MDM1: variants seen among roughly 807,000 people sequenced by gnomAD.
MDM1 encodes stabilizer of axonemal microtubules 6, also known as Mdm1 nuclear protein.
MDM1 carries 61 observed loss-of-function variants against 89.1 expected under a neutral mutation model. The ratio of observed to expected loss-of-function variants is 0.68; its 90% confidence interval spans 0.56 to 0.85. MDM1 has a LOEUF of 0.85. Ranked by LOEUF, MDM1 falls within the 40% of genes least tolerant of loss-of-function variation. The pLI is 0.00. For missense variants in MDM1, 820 were observed against 846.5 expected (o/e 0.97, Z 0.39); for synonymous variants, 290 against 294.1 (o/e 0.99, Z 0.14).
chr12:68,307,604 G>A (rs1411676366), intron 12 of MDM1, among the ~76,000 whole-genome samples: 1 of 152,112 alleles, frequency 6.6e-6, no homozygotes, highest in African/African-American at 2.4e-5. Flanking sequence ...TTGCACCAAT[G>A]CACTCTGGCC....
chr12:68,301,907 G>A (rs887695644), intron 13 of MDM1, among the ~76,000 whole-genome samples: 1 of 152,034 alleles, frequency 6.6e-6, no homozygotes, highest in African/African-American at 2.4e-5. Flanking sequence ...CAAATTCCTG[G>A]CCTCAAATGA....
rs115868969 is a variant in MDM1, at chr12:68,304,423, G to A, written c.1750-1551C>T. Among the ~76,000 whole-genome samples the A allele has an allele frequency of 2.4e-3, 367 of 152,202 alleles. 4 individuals are homozygous for A. The highest frequency in any genetic ancestry group is 8.4e-3 in the African/African-American group (348 of 41,518). On this transcript the variant is annotated intron_variant, in intron 12 of 14. Transcript: ENST00000682720. Reference sequence around the variant, plus strand: ...TCTAAACTTAGATATCATTTTCTGTGATTGCAGAGCTTATTGCTTCAAACT... The same window carrying A: ...TCTAAACTTAGATATCATTTTCTGTAATTGCAGAGCTTATTGCTTCAAACT...
At chr12:68,298,463 G>A (rs1268253900) in intron 13 of MDM1, among the ~76,000 whole-genome samples, 2 of 152,114 alleles carry the variant, frequency 1.3e-5, no homozygotes, top group Non-Finnish European at 2.9e-5. Flanking sequence ...TCTTGGAGAA[G>A]GGGTCTTATT....
Position 68,316,179 on chromosome 12 carries a change from C to A in MDM1, c.1110G>T (p.Leu370=). The change falls in exon 9 of 15, where the codon CTG becomes CTT. Residue 370 remains leucine, a synonymous_variant. Transcript: ENST00000682720. ...VQGTHFSRDH[L]NQILSDSNCC... The stretch of plus-strand genomic sequence containing the variant: ...AGTTGCTATCAGATAAAATCTGATT[C>A]AGATGGTCCCGAGAAAAATGCGTCC... The A allele has an allele frequency of 6.2e-7, 1 of 1,614,096 alleles. No individual in the cohort carries two copies. The highest frequency in any genetic ancestry group is 8.5e-7 in the Non-Finnish European group (1 of 1,179,970).
chr12:68,312,105 T>A (rs1196171360), intron 12 of MDM1, among the ~76,000 whole-genome samples: 1 of 152,152 alleles, frequency 6.6e-6, no homozygotes, highest in Non-Finnish European at 1.5e-5. Context: ...TCTACAACTA[T>A]TCTTCTCTGT....
rs532327287 is a variant in MDM1, at chr12:68,313,308, A to G, written c.1749+135T>C. 9.2e-5 allele frequency: 60 copies of G among 653,642 alleles called. No homozygotes were observed. In the African/African-American group the frequency reaches 1.0e-3, roughly 11 times the overall value. The allele number at this position is 653,642 out of a possible 1,614,324, so 40.5% of individuals were successfully genotyped here. The stretch of plus-strand genomic sequence containing the variant: ...AAAAAGTCAAGCCTTTTGCCTTACT[A>G]AAAGCAGGTTAACAGTATCATCTCC... On this transcript the variant is annotated intron_variant, in intron 12 of 14. Coordinates refer to ENST00000682720, the MANE Select transcript of MDM1 (RefSeq NM_001354969.2).
intron 1 of MDM1, 39 bp downstream of exon 1, chr12:68,332,189 C>A: frequency 6.6e-7 from 1 of 1,514,530 alleles, no homozygotes; most frequent in African/African-American, 1.4e-5. Flanking sequence ...GGCCATGGCT[C>A]CCCCCAGCCA....
At chr12:68,314,459 T>C (rs1227231002) in intron 10 of MDM1, among the ~76,000 whole-genome samples, 1 of 152,182 alleles carries the variant, frequency 6.6e-6, no homozygotes, top group African/African-American at 2.4e-5. Flanking sequence ...ATAAAGGATT[T>C]AGATTATAGA....
Position 68,321,524 on chromosome 12 carries a change from C to A in MDM1, c.905+1G>T. 1 of 1,612,054 alleles carries A rather than the reference C, an allele frequency of 6.2e-7. No individual in the cohort carries two copies. The highest frequency in any genetic ancestry group is 1.7e-4 in the Middle Eastern group (1 of 6,010). On this transcript the variant is annotated splice_donor_variant, in intron 6 of 14. Coordinates refer to ENST00000682720, the MANE Select transcript of MDM1 (RefSeq NM_001354969.2). LOFTEE classifies it high-confidence loss of function. The stretch of plus-strand genomic sequence containing the variant: ...CCATATTTTCCTATTAAAATACATA[C>A]CCAAGCCTTTGATGTTTCCAAGGAG...
chr12:68,306,549 A>C (rs1248622299), intron 12 of MDM1, among the ~76,000 whole-genome samples: 1 of 152,218 alleles, frequency 6.6e-6, no homozygotes, highest in Non-Finnish European at 1.5e-5. Context: ...CAAGAAAAAA[A>C]CAACTCCATT....
rs200373084 is a variant in MDM1 at position 68,313,670 on chromosome 12, T to G, written c.1613A>C (p.His538Pro). Residue 538 changes from histidine to proline, a missense_variant, in exon 11 of 15, where the codon CAT becomes CCT. Physicochemically the swap from His to Pro is moderately conservative, Grantham distance 77. Transcript: ENST00000682720. Reference sequence around the variant, plus strand: ...AACAGCTGGAGTAGTGAGATCATGATGAGTCCTCTGGATTCCACCAAGTTC... The same window carrying G: ...AACAGCTGGAGTAGTGAGATCATGAGGAGTCCTCTGGATTCCACCAAGTTC... ...LRELGGIQRT[H>P]HDLTTPAVGG... 8 of 1,614,068 alleles carry G rather than the reference T, an allele frequency of 5.0e-6. No homozygotes were observed. Among genetic ancestry groups the G allele is most frequent in the East Asian group, 4.5e-5 (2 of 44,892 alleles).
In MDM1 at chr12:68,302,782, T is replaced by G. The variant is rs377728698; in HGVS notation, c.1840A>C (p.Asn614His). The G allele has an allele frequency of 1.9e-6, 3 of 1,613,650 alleles. No individual in the cohort carries two copies. Among genetic ancestry groups the G allele is most frequent in the Non-Finnish European group, 2.5e-6 (3 of 1,179,986 alleles). ...GTTGCCTCAGCAAATTTGTGGATATTGTCTTCAGAATCTTCCCGCAAAGGC... is the reference window on the plus strand; with the variant it reads ...GTTGCCTCAGCAAATTTGTGGATATGGTCTTCAGAATCTTCCCGCAAAGGC... ...PLPLREDSED[N>H]IHKFAEATLP... The change falls in exon 13 of 15, where the codon AAT becomes CAT. Residue 614 changes from asparagine to histidine, a missense_variant. Physicochemically the swap from Asn to His is moderately conservative, Grantham distance 68 (BLOSUM62 1). Transcript: ENST00000682720.
chr12:68,303,859 C>CT (rs1487412149), intron 12 of MDM1, among the ~76,000 whole-genome samples: 1 of 152,190 alleles, frequency 6.6e-6, no homozygotes, highest in Non-Finnish European at 1.5e-5. Flanking sequence ...TATTTACCTT[C>CT]TTTTTTAGTT....
At chr12:68,332,195 A>C in intron 1 of MDM1, 33 bp downstream of exon 1, 2 of 1,536,374 alleles carry the variant, frequency 1.3e-6, no homozygotes, top group Non-Finnish European at 1.8e-6. Context: ...GGCTCCCCCC[A>C]GCCACATTCC....
chr12:68,320,644 G>A (rs1011584417), intron 7 of MDM1, among the ~76,000 whole-genome samples: 5 of 152,172 alleles, frequency 3.3e-5, no homozygotes, highest in Admixed American at 1.3e-4. Flanking sequence ...CAATGACAGG[G>A]GGAAGTGGGA....
intron 9 of MDM1, among the ~76,000 whole-genome samples, chr12:68,315,805 T>C (rs1274841017): frequency 6.6e-6 from 1 of 152,194 alleles, no homozygotes; most frequent in Non-Finnish European, 1.5e-5. Context: ...TTTTTACATC[T>C]ACCATGTAAT....
At chr12:68,295,993 C>T (rs906883653) in intron 14 of MDM1, among the ~76,000 whole-genome samples, 1 of 152,124 alleles carries the variant, frequency 6.6e-6, no homozygotes, top group Non-Finnish European at 1.5e-5. Flanking sequence ...TGATTTCTAG[C>T]TCAATGAATT....
At chr12:68,305,170 T>C (rs1453787442) in intron 12 of MDM1, among the ~76,000 whole-genome samples, 1 of 152,190 alleles carries the variant, frequency 6.6e-6, no homozygotes, top group African/African-American at 2.4e-5. Flanking sequence ...AAAAACCATA[T>C]GATCATCTCA....
intron 10 of MDM1, among the ~76,000 whole-genome samples, chr12:68,314,244 G>A (rs1371909373): frequency 6.8e-6 from 1 of 147,698 alleles, no homozygotes; most frequent in African/African-American, 2.5e-5. Flanking sequence ...ATAATGAATA[G>A]AACTAAGCAC....
Sources: gnomAD v4.1 joint callset for allele counts (sites outside exome capture counted in the v4.1 genomes callset) on GRCh38, gnomAD v4.1.1 for gene constraint, MANE v1.5 for transcripts, NCBI Gene and HGNC (gene_info 2026-07-23, HGNC 2026-07-21) for gene names.